The following GBE1 variants were observed in gnomAD, a reference collection of about 807,000 sequenced individuals.
GBE1 encodes 1,4-alpha-glucan branching enzyme 1, also known as 1,4-alpha-glucan-branching enzyme.
GBE1 carries 70 observed loss-of-function variants against 88.8 expected under a neutral mutation model. The ratio of observed to expected loss-of-function variants is 0.79; its 90% CI spans 0.65 to 0.96. The LOEUF (loss-of-function observed/expected upper bound fraction) is 0.96, where lower values mean the gene tolerates loss of function less well. Among genes scored for constraint, GBE1 ranks in the 40% least tolerant of loss-of-function variants. GBE1 has a pLI of 0.00. For synonymous variants in GBE1, 284 were observed against 300.1 expected (o/e 0.95, Z 0.56); for missense variants, 872 against 871.0 (o/e 1.00, Z -0.01).
Position 81,670,919 on chromosome 3 carries a change from T to G in GBE1, c.348A>C (p.Lys116Asn), listed in dbSNP as rs1395771433. 6.4e-7 allele frequency: 1 copy of G among 1,573,106 alleles called. No individual in the cohort carries two copies. Among genetic ancestry groups the G allele is most frequent in the Non-Finnish European group, 8.6e-7 (1 of 1,162,024 alleles). Residue 116 changes from lysine to asparagine, a missense_variant, in exon 3 of 16, where the codon AAA (lysine) becomes AAC (asparagine). Physicochemically the swap from Lys to Asn is moderately conservative, Grantham distance 94. Coordinates refer to ENST00000429644, the MANE Select transcript of GBE1 (RefSeq NM_000158.4). The stretch of plus-strand genomic sequence containing the variant: ...ACAGCTCCCATTTTCCATAATCCAG[T>G]TTTTTGTATGGGTACGAAAATGGAT... ...GWNPFSYPYK[K>N]LDYGKWELYI...
intron 1 of GBE1, among the ~76,000 whole-genome samples, chr3:81,706,823 G>A (rs1427065621): frequency 6.6e-6 from 1 of 151,568 alleles, no homozygotes; most frequent in Non-Finnish European, 1.5e-5. Flanking sequence ...GGAAATAAAT[G>A]GAGGAATAAA....
At chr3:81,496,935 T>C (rs1354978554) in intron 15 of GBE1, among the ~76,000 whole-genome samples, 1 of 152,168 alleles carries the variant, frequency 6.6e-6, no homozygotes, top group Non-Finnish European at 1.5e-5. Flanking sequence ...AGCTAGCCCT[T>C]ATCTCACGGC....
chr3:81,667,114 A>T (rs1705122731), intron 3 of GBE1, among the ~76,000 whole-genome samples: 1 of 152,148 alleles, frequency 6.6e-6, no homozygotes, highest in South Asian at 2.1e-4. Flanking sequence ...AAATTCTCTT[A>T]TTTCCTTGAG....
At chr3:81,538,439 G>T (rs1055137383) in intron 12 of GBE1, among the ~76,000 whole-genome samples, 7 of 151,918 alleles carry the variant, frequency 4.6e-5, no homozygotes, top group African/African-American at 1.7e-4. Flanking sequence ...CAAACATTTT[G>T]CTCAATTCAA....
intron 2 of GBE1, among the ~76,000 whole-genome samples, chr3:81,690,981 A>G (rs1278668006): frequency 2.6e-5 from 4 of 152,126 alleles, no homozygotes; most frequent in Admixed American, 1.3e-4. Context: ...TAACAGCTCT[A>G]GCATACAAAA....
At chr3:81,641,258 T>A (rs9818090) in intron 7 of GBE1, among the ~76,000 whole-genome samples, 98,102 of 151,944 alleles carry the variant, frequency 0.65, 33,345 homozygotes, top group East Asian at 0.94. Context: ...CTTCATCCAA[T>A]TATAAACCAG....
chr3:81,742,592 C>T (rs1032840105), intron 1 of GBE1, among the ~76,000 whole-genome samples: 2 of 152,034 alleles, frequency 1.3e-5, no homozygotes, highest in Admixed American at 6.6e-5. Flanking sequence ...AAATCCACAT[C>T]GAATTTTAAC....
chr3:81,760,592 A>G (rs1254426679), intron 1 of GBE1, among the ~76,000 whole-genome samples: 1 of 152,202 alleles, frequency 6.6e-6, no homozygotes, highest in African/African-American at 2.4e-5. Flanking sequence ...AACAACAACG[A>G]CAACAGAAAA....
At chr3:81,648,800 T>C in intron 5 of GBE1, 56 bp downstream of exon 5, 2 of 1,055,460 alleles carry the variant, frequency 1.9e-6, no homozygotes, top group Non-Finnish European at 2.6e-6. Flanking sequence ...GCTTTTCTAA[T>C]AAGAGAACAG....
chr3:81,703,419 G>T (rs2107165734), intron 2 of GBE1, among the ~76,000 whole-genome samples: 1 of 152,030 alleles, frequency 6.6e-6, no homozygotes, highest in Admixed American at 6.6e-5. Flanking sequence ...ACTACACCAT[G>T]AATTATTTTC....
intron 14 of GBE1, among the ~76,000 whole-genome samples, chr3:81,515,705 T>C (rs1702789433): frequency 1.3e-5 from 2 of 151,622 alleles, no homozygotes; most frequent in Admixed American, 1.3e-4. Context: ...AGCCAAGTTG[T>C]GAACGCAAAG....
chr3:81,529,908 G>A (rs961756513), intron 14 of GBE1, among the ~76,000 whole-genome samples: 2 of 151,760 alleles, frequency 1.3e-5, no homozygotes, highest in African/African-American at 4.8e-5. Context: ...CTTTCTACCT[G>A]AATGAATCAG....
chr3:81,595,504 T>A (rs1703945108), intron 7 of GBE1, among the ~76,000 whole-genome samples: 1 of 151,906 alleles, frequency 6.6e-6, no homozygotes, highest in South Asian at 2.1e-4. Flanking sequence ...GTTTGCTATA[T>A]GAGAATTTCA....
intron 1 of GBE1, among the ~76,000 whole-genome samples, chr3:81,740,277 T>G (rs560408432): frequency 1.7e-5 from 2 of 117,544 alleles, no homozygotes; most frequent in African/African-American, 3.6e-5. Flanking sequence ...ATTGGTTATT[T>G]ATTATTTAAT....
In GBE1 at chr3:81,747,363, G is replaced by A. The variant is rs139975577; in HGVS notation, c.143+14012C>T. ...CACAAATCTAACAAAGGATTTATGT[G>A]TAGAACATATAATGAACTCTCAAAA... is the stretch of plus-strand genomic sequence containing the variant. On this transcript the variant is annotated intron_variant, in intron 1 of 15. Coordinates refer to ENST00000429644, the MANE Select transcript of GBE1 (RefSeq NM_000158.4). Among the ~76,000 whole-genome samples, 706 of 152,304 alleles carry A rather than the reference G, an allele frequency of 4.6e-3. 5 individuals carry two copies. The highest frequency in any genetic ancestry group is 0.012 in the African/African-American group (503 of 41,558).
At chr3:81,593,305 C>T (rs763292445) in intron 8 of GBE1, among the ~76,000 whole-genome samples, 3 of 151,114 alleles carry the variant, frequency 2.0e-5, no homozygotes. Flanking sequence ...ATGGAGTTTG[C>T]AGTGATCTGA....
rs144341008 is a variant in GBE1 at position 81,719,015 on chromosome 3, A to T, written c.144-13402T>A. ...CAGTTTAAATTACTTGTTACTTAGCATGTCTTAAATAATTTTAATAAGTTG... is the reference window on the plus strand; with the variant it reads ...CAGTTTAAATTACTTGTTACTTAGCTTGTCTTAAATAATTTTAATAAGTTG... On this transcript the variant is annotated intron_variant, in intron 1 of 15. Transcript: ENST00000429644. Among the ~76,000 whole-genome samples the T allele has an allele frequency of 4.6e-3, 704 of 152,260 alleles. 5 individuals carry two copies. The highest frequency in any genetic ancestry group is 0.012 in the African/African-American group (501 of 41,536).
At chr3:81,658,433 A>C (rs947792025) in intron 3 of GBE1, among the ~76,000 whole-genome samples, 1 of 152,130 alleles carries the variant, frequency 6.6e-6, no homozygotes. Flanking sequence ...AATATATTAC[A>C]ATCTCATTTC....
intron 14 of GBE1, among the ~76,000 whole-genome samples, chr3:81,502,148 G>T (rs528756790): frequency 3.8e-4 from 58 of 152,022 alleles, no homozygotes; most frequent in Non-Finnish European, 7.8e-4. Flanking sequence ...CCACAATAAA[G>T]TACAGACTGA....
Sources: allele counts gnomAD v4.1 joint callset (sites outside exome capture counted in the v4.1 genomes callset), GRCh38; gene constraint gnomAD v4.1.1; transcripts MANE v1.5; gene names NCBI Gene and HGNC (gene_info 2026-07-23, HGNC 2026-07-21).